The following TLK1 variants were observed in gnomAD, a reference collection of about 807,000 sequenced individuals.
The protein encoded by TLK1 is tousled like kinase 1.
In TLK1, 24 loss-of-function variants were observed where a neutral mutation model predicts 105.3. The observed-to-expected ratio is 0.23, with a 90% confidence interval of 0.17 to 0.32. TLK1 has a LOEUF of 0.32. Ranked by LOEUF, TLK1 falls within the 10% of genes least tolerant of loss-of-function variation. The pLI, the probability that TLK1 is intolerant of heterozygous loss-of-function variation, is 1.00. For missense variants in TLK1, 558 were observed against 910.5 expected, an observed-to-expected ratio of 0.61 and a Z score of 4.98; for synonymous variants, 321 against 310.4, an observed-to-expected ratio of 1.03 and a Z score of -0.36.
intron 1 of TLK1, among the ~76,000 whole-genome samples, chr2:171,175,430 A>C (rs537999947): frequency 3.3e-5 from 5 of 152,340 alleles, no homozygotes; most frequent in Admixed American, 1.3e-4. Context: ...ACATTGTACT[A>C]GGTATCATAA....
At chr2:171,038,572 C>T (rs954838578) in intron 11 of TLK1, among the ~76,000 whole-genome samples, 1 of 151,930 alleles carries the variant, frequency 6.6e-6, no homozygotes, top group Admixed American at 6.6e-5. Context: ...CTCTCATTTC[C>T]ATTGGCACTT....
intron 1 of TLK1, among the ~76,000 whole-genome samples, chr2:171,196,501 T>A (rs1470301690): frequency 6.6e-6 from 1 of 152,220 alleles, no homozygotes; most frequent in African/African-American, 2.4e-5. Context: ...AACATCAAAC[T>A]CATGGGGATT....
intron 2 of TLK1, among the ~76,000 whole-genome samples, chr2:171,088,769 T>G (rs1409121222): frequency 5.3e-5 from 8 of 152,030 alleles, no homozygotes; most frequent in Admixed American, 4.6e-4. Context: ...AAAAACAAAG[T>G]GGGAGGAGGA....
intron 18 of TLK1, among the ~76,000 whole-genome samples, chr2:171,003,305 A>AAAAAAAAAAAAAAAG (rs1684487969): frequency 6.8e-6 from 1 of 146,140 alleles, no homozygotes; most frequent in African/African-American, 2.6e-5. Flanking sequence ...AAAAAAAAAA[A>AAAAAAAAAAAAAAAG]GTACAAGGTT....
intron 2 of TLK1, among the ~76,000 whole-genome samples, chr2:171,095,653 A>G (rs536735734): frequency 7.9e-5 from 12 of 152,324 alleles, no homozygotes; most frequent in Admixed American, 2.0e-4. Flanking sequence ...ACTGAAACTT[A>G]TTCCTGAAAT....
chr2:171,036,811 C>T (rs561871537), intron 11 of TLK1, among the ~76,000 whole-genome samples: 2 of 152,238 alleles, frequency 1.3e-5, no homozygotes, highest in South Asian at 2.1e-4. Context: ...TGATGTCAGA[C>T]TTTGTGCTGA....
In TLK1 at chr2:171,082,651, A is replaced by T. The variant is rs1688804102; in HGVS notation, c.330+130T>A. 2.5e-5 allele frequency: 19 copies of T among 751,530 alleles called. No individual in the cohort carries two copies. The South Asian group carries it at 3.1e-4, about 12-fold the overall frequency. The allele number at this position is 751,530 out of a possible 1,614,324, so 46.6% of individuals were successfully genotyped here. On this transcript the variant is annotated intron_variant, in intron 3 of 20. Coordinates refer to ENST00000431350, the MANE Select transcript of TLK1 (RefSeq NM_012290.5). ...TGTTGTGCTTCATAAGGCAGAACAA[A>T]ACATTCCTATAAGAAACTTTAAAAG... is the stretch of plus-strand genomic sequence containing the variant.
intron 1 of TLK1, among the ~76,000 whole-genome samples, chr2:171,219,595 T>A (rs934801989): frequency 6.7e-6 from 1 of 148,458 alleles, no homozygotes; most frequent in Admixed American, 6.7e-5. Context: ...CTGGGGTCCC[T>A]CCCCCCACCT....
At chr2:171,093,083 C>T (rs1293803672) in intron 2 of TLK1, among the ~76,000 whole-genome samples, 1 of 152,148 alleles carries the variant, frequency 6.6e-6, no homozygotes, top group Non-Finnish European at 1.5e-5. Flanking sequence ...CCTCCTACTG[C>T]CTAAGTCTCC....
In TLK1 at chr2:171,048,904, G is replaced by T. The variant is rs1042623114; in HGVS notation, c.980+910C>A. On this transcript the variant is annotated intron_variant, in intron 10 of 20. Coordinates refer to ENST00000431350, the MANE Select transcript of TLK1 (RefSeq NM_012290.5). The stretch of plus-strand genomic sequence containing the variant: ...TTTAAAAAAATTTTCCACCAAAAAC[G>T]GAGTAGCATATTTAGCACTCCTTAA... Among the ~76,000 whole-genome samples, 10 of 152,288 alleles carry T rather than the reference G, an allele frequency of 6.6e-5. No homozygotes were observed. The South Asian group carries it at 1.5e-3, about 22-fold the overall frequency.
intron 1 of TLK1, among the ~76,000 whole-genome samples, chr2:171,138,552 A>G (rs1691436124): frequency 6.6e-6 from 1 of 152,218 alleles, no homozygotes; most frequent in Non-Finnish European, 1.5e-5. Flanking sequence ...AGTAATCTTA[A>G]CATAAAAACT....
Position 171,046,167 on chromosome 2 carries a change from G to A in TLK1, c.1169+7C>T. On this transcript the variant is annotated splice_region_variant and intron_variant, in intron 11 of 20. Coordinates refer to ENST00000431350, the MANE Select transcript of TLK1 (RefSeq NM_012290.5). ...TTAAAAAAGAAAAATTTTAAATGGA[G>A]GCTTACAGTTGTGGTAAATTTGGTC... 1 of 1,542,250 alleles carries A rather than the reference G, an allele frequency of 6.5e-7. No individual in the cohort carries two copies. Among genetic ancestry groups the A allele is most frequent in the Non-Finnish European group, 8.7e-7 (1 of 1,148,292 alleles).
chr2:171,160,436 C>CT lies in TLK1; in HGVS notation c.-9dup. On this transcript the variant is annotated 5_prime_UTR_variant, in exon 1 of 21. Coordinates refer to ENST00000431350, the MANE Select transcript of TLK1 (RefSeq NM_012290.5). The surrounding 1 kb of genome is among the most constrained non-coding windows in gnomAD (Gnocchi z 4.4). ...GCTACTTTGGACACTCATCAAGCTA[C>CT]TTTCTGGGAACCCGACTCCCCCCCT... The CT allele has an allele frequency of 6.3e-7, 1 of 1,592,466 alleles. No homozygotes were observed. Among genetic ancestry groups the CT allele is most frequent in the Non-Finnish European group, 8.5e-7 (1 of 1,171,134 alleles).
At chr2:171,214,192 G>A (rs1693672281) in intron 1 of TLK1, among the ~76,000 whole-genome samples, 1 of 152,030 alleles carries the variant, frequency 6.6e-6, no homozygotes, top group African/African-American at 2.4e-5. Context: ...GCAACAGAGT[G>A]AGATCCTGTC....
chr2:171,079,705 C>T (rs1204343539), intron 3 of TLK1, among the ~76,000 whole-genome samples: 3 of 151,948 alleles, frequency 2.0e-5, no homozygotes, highest in African/African-American at 4.8e-5. Flanking sequence ...TAAAATAAAC[C>T]GCATACAAAC....
intron 1 of TLK1, among the ~76,000 whole-genome samples, chr2:171,119,971 G>A (rs1230923857): frequency 6.6e-6 from 1 of 152,130 alleles, no homozygotes; most frequent in African/African-American, 2.4e-5. Flanking sequence ...ATAGGGCCAG[G>A]TGCAGTGGCT....
chr2:171,143,084 T>G (rs1161490747), intron 1 of TLK1, among the ~76,000 whole-genome samples: 1 of 151,964 alleles, frequency 6.6e-6, no homozygotes, highest in Non-Finnish European at 1.5e-5. Flanking sequence ...TCTCAATAAA[T>G]GAATGACTGA....
At chr2:171,094,371 G>A (rs755014138) in intron 2 of TLK1, among the ~76,000 whole-genome samples, 7 of 151,660 alleles carry the variant, frequency 4.6e-5, no homozygotes, top group Non-Finnish European at 1.0e-4. Context: ...AAAATAACTC[G>A]TTTTCAGAAG....
intron 1 of TLK1, among the ~76,000 whole-genome samples, chr2:171,126,485 T>C (rs1002471241): frequency 3.3e-5 from 5 of 152,224 alleles, no homozygotes; most frequent in African/African-American, 1.2e-4. Flanking sequence ...ATGATAGTTA[T>C]ATCACCTGTA....
Sources: allele counts gnomAD v4.1 joint callset (sites outside exome capture counted in the v4.1 genomes callset), GRCh38; gene constraint gnomAD v4.1.1; non-coding constraint Gnocchi (gnomAD v3.1); transcripts MANE v1.5; gene names NCBI Gene and HGNC (gene_info 2026-07-23, HGNC 2026-07-21).